The following RNF13 variants were observed in gnomAD, a reference collection of about 807,000 sequenced individuals.
The protein encoded by RNF13 is E3 ubiquitin-protein ligase RNF13.
RNF13 carries 19 observed loss-of-function variants against 37.7 expected under a neutral mutation model. That is an observed-to-expected ratio of 0.50 (90% CI 0.35 to 0.74). RNF13 has a LOEUF of 0.74. RNF13 is among the 30% of genes least tolerant of loss of function. The pLI is 0.01. For synonymous variants in RNF13, 144 were observed against 157.8 expected, an observed-to-expected ratio of 0.91 and a Z score of 0.65; for missense variants, 375 against 453.0, an observed-to-expected ratio of 0.83 and a Z score of 1.56.
intron 8 of RNF13, among the ~76,000 whole-genome samples, chr3:149,945,472 G>A (rs2108589411): frequency 6.6e-6 from 1 of 152,338 alleles, no homozygotes; most frequent in South Asian, 2.1e-4. Flanking sequence ...GCCTGCCTCT[G>A]TAGTCTCCAC....
At chr3:149,910,830 G>C (rs1024370576) in intron 6 of RNF13, among the ~76,000 whole-genome samples, 6 of 152,110 alleles carry the variant, frequency 3.9e-5, no homozygotes, top group Non-Finnish European at 8.8e-5. Flanking sequence ...CCTAAACTAA[G>C]GGTATTTTTA....
Position 149,952,827 on chromosome 3 carries a change from G to A in RNF13, c.701-7229G>A, listed in dbSNP as rs566366078. 6.6e-5 allele frequency among the ~76,000 whole-genome samples: 10 copies of A among 152,192 alleles called. No homozygotes were observed. In the South Asian group the frequency reaches 1.7e-3, roughly 25 times the overall value. ...TCAATCAGGCTATTCTTGAACTCCC[G>A]ACCTCAGGTGATCCACCTGCCTCGA... On this transcript the variant is annotated intron_variant, in intron 8 of 9. Coordinates refer to ENST00000392894, the MANE Select transcript of RNF13 (RefSeq NM_183381.3).
At chr3:149,848,339 G>T (rs1274591124) in intron 2 of RNF13, among the ~76,000 whole-genome samples, 3 of 152,172 alleles carry the variant, frequency 2.0e-5, no homozygotes, top group Non-Finnish European at 4.4e-5. Flanking sequence ...CTTAAATCTG[G>T]TCTCTATGCT....
chr3:149,942,083 A>G (rs1443896893), intron 8 of RNF13, among the ~76,000 whole-genome samples: 1 of 151,984 alleles, frequency 6.6e-6, no homozygotes, highest in Non-Finnish European at 1.5e-5. Flanking sequence ...ATCTGTCTTT[A>G]TTCTAGTACC....
chr3:149,923,076 G>A (rs564500047), intron 8 of RNF13, among the ~76,000 whole-genome samples: 5 of 151,990 alleles, frequency 3.3e-5, no homozygotes, highest in East Asian at 3.9e-4. Flanking sequence ...TTATAAACCT[G>A]CCATTTACCA....
chr3:149,960,099 A>G lies in RNF13; in HGVS notation c.744A>G (p.Glu248=), dbSNP rs765746188. 1.2e-6 allele frequency: 2 copies of G among 1,612,426 alleles called. No individual in the cohort carries two copies. The highest frequency in any genetic ancestry group is 1.7e-6 in the Non-Finnish European group (2 of 1,178,512). The change falls in exon 9 of 10, where the codon GAA becomes GAG. Residue 248 remains glutamate (E), a synonymous_variant. Coordinates refer to ENST00000392894, the MANE Select transcript of RNF13 (RefSeq NM_183381.3). ...GTGCCATTTGTTTGGATGAGTATGA[A>G]GATGGAGACAAACTCAGAATCCTTC... The part of the protein sequence containing the change: ...DVCAICLDEY[E]DGDKLRILPC...
intron 8 of RNF13, among the ~76,000 whole-genome samples, chr3:149,923,562 C>T (rs886357296): frequency 1.3e-5 from 2 of 151,890 alleles, no homozygotes; most frequent in African/African-American, 2.4e-5. Context: ...GTCAGGAGAT[C>T]GAGACCATCC....
intron 7 of RNF13, among the ~76,000 whole-genome samples, chr3:149,919,054 CAAT>C (rs1460096512): frequency 1.3e-5 from 2 of 151,958 alleles, no homozygotes; most frequent in Admixed American, 1.3e-4. Flanking sequence ...TGTAAATTTG[CAAT>C]AATAACTTTT....
At chr3:149,917,982 TTC>T (rs1717720548) in intron 7 of RNF13, among the ~76,000 whole-genome samples, 1 of 152,202 alleles carries the variant, frequency 6.6e-6, no homozygotes, top group Non-Finnish European at 1.5e-5. Flanking sequence ...ATTTTCTGCG[TTC>T]TTTTTCTATT....
In RNF13 at chr3:149,895,491, G is replaced by A. The variant is rs779018351; in HGVS notation, c.340G>A (p.Ala114Thr). The A allele has an allele frequency of 1.3e-6, 2 of 1,592,740 alleles. No individual in the cohort carries two copies. The highest frequency in any genetic ancestry group is 1.7e-6 in the Non-Finnish European group (2 of 1,169,630). ...TTTGCAGGTTTTAAATGCACAGAGA[G>A]CAGGATACAAGGCAGCCATAGTTCA... ...FDIKVLNAQR[A>T]GYKAAIVHNV... The change falls in exon 5 of 10, where the codon GCA becomes ACA. Residue 114 changes from alanine to threonine, a missense_variant. Physicochemically the swap from Ala to Thr is moderately conservative, Grantham distance 58. Coordinates refer to ENST00000392894, the MANE Select transcript of RNF13 (RefSeq NM_183381.3).
intron 1 of RNF13, among the ~76,000 whole-genome samples, chr3:149,827,083 C>T (rs951574871): frequency 3.9e-5 from 6 of 152,088 alleles, no homozygotes; most frequent in African/African-American, 1.4e-4. Flanking sequence ...TAAATATTAA[C>T]GTACAGTTGG....
chr3:149,833,118 CTTTTTT>C (rs34729566), intron 1 of RNF13, among the ~76,000 whole-genome samples: 7 of 111,904 alleles, frequency 6.3e-5, no homozygotes, highest in East Asian at 2.5e-4. Flanking sequence ...CTCTCTCTCT[CTTTTTT>C]TTTTTTTTTT....
chr3:149,924,934 A>G (rs527505346), intron 8 of RNF13, among the ~76,000 whole-genome samples: 4 of 152,322 alleles, frequency 2.6e-5, no homozygotes, highest in Non-Finnish European at 5.9e-5. Flanking sequence ...GTAGTATCAT[A>G]GAGACTTGAG....
chr3:149,833,644 C>A (rs779698036), intron 1 of RNF13, among the ~76,000 whole-genome samples: 3 of 152,032 alleles, frequency 2.0e-5, no homozygotes, highest in Non-Finnish European at 2.9e-5. Flanking sequence ...TGTAAAAAAC[C>A]GACAACTAAT....
chr3:149,848,297 C>T (rs1576757936), intron 2 of RNF13, among the ~76,000 whole-genome samples: 1 of 152,100 alleles, frequency 6.6e-6, no homozygotes, highest in South Asian at 2.1e-4. Context: ...ATGTTGATGT[C>T]CTGTAGTGAA....
chr3:149,844,757 T>TG (rs1287444148), intron 1 of RNF13, among the ~76,000 whole-genome samples: 115 of 152,260 alleles, frequency 7.6e-4, no homozygotes, highest in African/African-American at 2.6e-3. Flanking sequence ...AATCTAGACA[T>TG]TTAAAAAAAG....
rs141172612 is a variant in RNF13, at chr3:149,937,324, C to G, written c.700+16097C>G. Among the ~76,000 whole-genome samples the G allele has an allele frequency of 7.2e-5, 11 of 152,178 alleles. No individual in the cohort carries two copies. The South Asian group carries it at 2.1e-3, about 29-fold the overall frequency. Reference sequence around the variant, plus strand: ...GTCTCAGTTTCTCCAGGATAGGAACCGTAAGTCTTGGGAGACTTTTTTATC... The same window carrying G: ...GTCTCAGTTTCTCCAGGATAGGAACGGTAAGTCTTGGGAGACTTTTTTATC... On this transcript the variant is annotated intron_variant, in intron 8 of 9. Transcript: ENST00000392894.
At chr3:149,844,138 A>T (rs1315183524) in intron 1 of RNF13, among the ~76,000 whole-genome samples, 1 of 152,150 alleles carries the variant, frequency 6.6e-6, no homozygotes, top group African/African-American at 2.4e-5. Flanking sequence ...TATTTTGTAA[A>T]TATTTGTGTG....
rs1430355646 is a variant in RNF13 at position 149,961,307 on chromosome 3, G to A, written c.*203G>A. Reference sequence around the variant, plus strand: ...CATTCACTAATAATAGACTGGTGCTGTAACTCAAGCATCAATTCAGCTCTT... The same window carrying A: ...CATTCACTAATAATAGACTGGTGCTATAACTCAAGCATCAATTCAGCTCTT... On this transcript the variant is annotated 3_prime_UTR_variant, in exon 10 of 10. Transcript: ENST00000392894. 1.0e-5 allele frequency: 7 copies of A among 674,698 alleles called. No individual in the cohort carries two copies. Among genetic ancestry groups the A allele is most frequent in the Non-Finnish European group, 1.6e-5 (6 of 373,568 alleles). 41.8% of individuals were successfully genotyped at this position (674,698 alleles called of 1,614,324 possible).
Sources: gnomAD v4.1 joint callset for allele counts (sites outside exome capture counted in the v4.1 genomes callset) on GRCh38, gnomAD v4.1.1 for gene constraint, MANE v1.5 for transcripts, NCBI Gene and HGNC (gene_info 2026-07-23, HGNC 2026-07-21) for gene names.